The following CYP2C18 variants were observed in gnomAD, a reference collection of about 807,000 sequenced individuals.
The protein encoded by CYP2C18 is cytochrome P450 2C18.
CYP2C18 carries 38 observed loss-of-function variants against 41.3 expected under a neutral mutation model. The ratio of observed to expected loss-of-function variants is 0.92; its 90% CI spans 0.71 to 1.21. The LOEUF (loss-of-function observed/expected upper bound fraction) is 1.21. CYP2C18 is among the 50% of genes most tolerant of loss of function. The pLI is 0.00. For missense variants in CYP2C18, 635 were observed against 591.4 expected (o/e 1.07, Z -0.77); for synonymous variants, 236 against 210.0 (o/e 1.12, Z -1.07).
chr10:94,729,810 A>G (rs1309803187), intron 7 of CYP2C18, among the ~76,000 whole-genome samples: 1 of 152,138 alleles, frequency 6.6e-6, no homozygotes, highest in Non-Finnish European at 1.5e-5. Flanking sequence ...GGTTTTAGCA[A>G]GTTAAAATGA....
chr10:94,718,420 G>T (rs534142605), intron 5 of CYP2C18, among the ~76,000 whole-genome samples: 3 of 152,028 alleles, frequency 2.0e-5, no homozygotes, highest in Non-Finnish European at 4.4e-5. Flanking sequence ...TTTCTTCTTT[G>T]GATGTCTTTC....
rs1313275330 is a variant in CYP2C18 at position 94,720,454 on chromosome 10, A to C, written c.878A>C (p.Asp293Ala). The stretch of plus-strand genomic sequence containing the variant: ...GAAAGCTTGATAGCCACTGTAACTG[A>C]TATGTTTGGGGCTGGAACAGAGACA... ...TVESLIATVTDMFGAGTETTS... is the reference protein window; with the variant it reads ...TVESLIATVTAMFGAGTETTS... Residue 293 changes from aspartate to alanine, a missense_variant, in exon 6 of 9, where the codon GAT becomes GCT. Physicochemically the swap from Asp to Ala is moderately radical, Grantham distance 126 (BLOSUM62 -2). Transcript: ENST00000285979. 6.2e-7 allele frequency: 1 copy of C among 1,613,032 alleles called. No homozygotes were observed. The highest frequency in any genetic ancestry group is 8.5e-7 in the Non-Finnish European group (1 of 1,179,278).
chr10:94,705,675 G>A (rs192671585), intron 4 of CYP2C18, among the ~76,000 whole-genome samples: 2 of 152,190 alleles, frequency 1.3e-5, no homozygotes, highest in East Asian at 1.9e-4. Flanking sequence ...TTTATGGAGA[G>A]ATGGGCCCAT....
At position 94,735,887 on chromosome 10, in the gene CYP2C18, G is replaced by C. The variant is rs1188727737; in HGVS notation, c.*443G>C. The C allele has an allele frequency of 6.1e-6, 1 of 162,782 alleles. No homozygotes were observed. The highest frequency in any genetic ancestry group is 1.3e-5 in the Non-Finnish European group (1 of 74,224). The allele number at this position is 162,782 out of a possible 1,614,324, so 10.1% of individuals were successfully genotyped here. ...AAAGAAAATAGAATGTGAAGAGGCT[G>C]TGCTGGCCCTCATAGTGTTAAGCAC... is the stretch of plus-strand genomic sequence containing the variant. On this transcript the variant is annotated 3_prime_UTR_variant, in exon 9 of 9. Coordinates refer to ENST00000285979, the MANE Select transcript of CYP2C18 (RefSeq NM_000772.3).
chr10:94,711,670 G>A (rs1470599467), intron 5 of CYP2C18, among the ~76,000 whole-genome samples: 3 of 151,982 alleles, frequency 2.0e-5, no homozygotes, highest in Non-Finnish European at 2.9e-5. Context: ...CTCAGCTTCC[G>A]ACAGTGCTGG....
intron 4 of CYP2C18, among the ~76,000 whole-genome samples, chr10:94,704,847 C>T (rs1383789635): frequency 6.6e-6 from 1 of 152,160 alleles, no homozygotes; most frequent in Non-Finnish European, 1.5e-5. Context: ...TAACTATAAT[C>T]GTTTGCCCTA....
intron 7 of CYP2C18, among the ~76,000 whole-genome samples, chr10:94,725,436 T>C (rs1847723450): frequency 6.6e-6 from 1 of 152,072 alleles, no homozygotes; most frequent in Admixed American, 6.6e-5. Flanking sequence ...TTTCTTATTT[T>C]TCAATTCTTA....
intron 3 of CYP2C18, among the ~76,000 whole-genome samples, chr10:94,691,340 T>C (rs1846995181): frequency 6.6e-6 from 1 of 152,172 alleles, no homozygotes; most frequent in Non-Finnish European, 1.5e-5. Flanking sequence ...GGATACAAAA[T>C]AAATGTGCAA....
Position 94,733,365 on chromosome 10 carries a change from G to A in CYP2C18, c.1218G>A (p.Met406Ile), listed in dbSNP as rs201619531. 27 of 1,613,468 alleles carry A rather than the reference G, an allele frequency of 1.7e-5. No homozygotes were observed. The highest frequency in any genetic ancestry group is 3.3e-4 in the Middle Eastern group (2 of 6,054). ...ACAAAGAATTCCCCAACCCAGAGAT[G>A]TTTGACCCTGGCCACTTTCTGGATA... is the stretch of plus-strand genomic sequence containing the variant. Reference protein sequence around the residue: ...HNDKEFPNPEMFDPGHFLDKS... With the variant: ...HNDKEFPNPEIFDPGHFLDKS... The change falls in exon 8 of 9, where the codon ATG (methionine) becomes ATA (isoleucine). Residue 406 changes from methionine to isoleucine, a missense_variant. Physicochemically the swap from Met to Ile is conservative, Grantham distance 10. Coordinates refer to ENST00000285979, the MANE Select transcript of CYP2C18 (RefSeq NM_000772.3).
intron 7 of CYP2C18, among the ~76,000 whole-genome samples, chr10:94,725,748 T>A (rs2134206944): frequency 6.6e-6 from 1 of 152,170 alleles, no homozygotes; most frequent in South Asian, 2.1e-4. Flanking sequence ...ATAGATATAA[T>A]ATATATATTA....
chr10:94,706,630 G>C (rs1216393404), intron 4 of CYP2C18, among the ~76,000 whole-genome samples, 154 bp from the exon 5 acceptor site: 4 of 152,142 alleles, frequency 2.6e-5, no homozygotes. Flanking sequence ...CTTTCTATCA[G>C]TATAGAGGAC....
chr10:94,713,936 A>T (rs1038107401), intron 5 of CYP2C18, among the ~76,000 whole-genome samples: 2 of 152,184 alleles, frequency 1.3e-5, no homozygotes, highest in African/African-American at 4.8e-5. Flanking sequence ...ACCAGTGATG[A>T]TGAACATTTT....
chr10:94,684,665 G>C (rs1479824079), intron 1 of CYP2C18, among the ~76,000 whole-genome samples: 2 of 152,134 alleles, frequency 1.3e-5, no homozygotes, highest in East Asian at 3.8e-4. Flanking sequence ...AAACATGGAA[G>C]TACAGACATG....
chr10:94,717,006 C>T (rs531422374), intron 5 of CYP2C18, among the ~76,000 whole-genome samples: 1 of 152,210 alleles, frequency 6.6e-6, no homozygotes, highest in South Asian at 2.1e-4. Context: ...ATTGCAACCC[C>T]TGCCTTTTTT....
rs556186592 is a variant in CYP2C18 at position 94,706,206 on chromosome 10, A to G, written c.643-578A>G. Among the ~76,000 whole-genome samples the G allele has an allele frequency of 4.6e-4, 70 of 152,238 alleles. No homozygotes were observed. In the East Asian group the frequency reaches 0.013, roughly 28 times the overall value. On this transcript the variant is annotated intron_variant, in intron 4 of 8. Coordinates refer to ENST00000285979, the MANE Select transcript of CYP2C18 (RefSeq NM_000772.3). Reference sequence around the variant, plus strand: ...GCTGTGCTGAGCTAGCATGTCCTGAACTCTGTCTAAAGGATAATTGTGTGA... The same window carrying G: ...GCTGTGCTGAGCTAGCATGTCCTGAGCTCTGTCTAAAGGATAATTGTGTGA...
chr10:94,705,097 C>G (rs370252259), intron 4 of CYP2C18, among the ~76,000 whole-genome samples: 2 of 152,144 alleles, frequency 1.3e-5, no homozygotes, highest in East Asian at 3.9e-4. Context: ...GACAAGATCA[C>G]TGCCAAGCTG....
chr10:94,733,478 G>A, intron 8 of CYP2C18, 40 bp downstream of exon 8: 6 of 1,608,664 alleles, frequency 3.7e-6, no homozygotes, highest in South Asian at 1.1e-5. Flanking sequence ...CAGGGCACAT[G>A]ATACCTTTTT....
chr10:94,704,829 G>C (rs1184958070), intron 4 of CYP2C18, among the ~76,000 whole-genome samples: 3 of 152,160 alleles, frequency 2.0e-5, no homozygotes, highest in African/African-American at 7.2e-5. Flanking sequence ...GTGCTCTACT[G>C]TGTGCCTTAA....
intron 8 of CYP2C18, among the ~76,000 whole-genome samples, chr10:94,734,151 A>G (rs1429182349): frequency 6.6e-6 from 1 of 152,044 alleles, no homozygotes; most frequent in African/African-American, 2.4e-5. Context: ...GGGGGTCAGA[A>G]CCTACCAACA....
Sources: allele counts gnomAD v4.1 joint callset (sites outside exome capture counted in the v4.1 genomes callset), GRCh38; gene constraint gnomAD v4.1.1; transcripts MANE v1.5; gene names NCBI Gene and HGNC (gene_info 2026-07-23, HGNC 2026-07-21).